Variants in TENM4 observed in about 807,000 individuals in gnomAD.
TENM4 encodes the protein teneurin-4.
In TENM4, 82 loss-of-function variants were observed where a neutral mutation model predicts 243.3. The ratio of observed to expected loss-of-function variants is 0.34; its 90% CI spans 0.28 to 0.40. The LOEUF is 0.40. Ranked by LOEUF, TENM4 falls within the 10% of genes least tolerant of loss-of-function variation. The pLI, the probability that TENM4 is intolerant of heterozygous loss-of-function variation, is 1.00. For synonymous variants in TENM4, 1,412 were observed against 1,456.3 expected (o/e 0.97, Z 0.69); for missense variants, 3,138 against 3,673.3 (o/e 0.85, Z 3.77).
At chr11:79,123,177 A>C (rs971697167) in intron 4 of TENM4, among the ~76,000 whole-genome samples, 2 of 152,222 alleles carry the variant, frequency 1.3e-5, no homozygotes, top group Admixed American at 1.3e-4. Flanking sequence ...GGACTGTCTC[A>C]TGTATCTTAT....
At chr11:79,384,314 T>G (rs1399894157) in intron 1 of TENM4, among the ~76,000 whole-genome samples, 1 of 152,244 alleles carries the variant, frequency 6.6e-6, no homozygotes, top group Non-Finnish European at 1.5e-5. Context: ...CTTCTTGTTT[T>G]CATTCAACAA....
At chr11:79,398,066 G>A (rs1215024165) in intron 1 of TENM4, among the ~76,000 whole-genome samples, 2 of 152,178 alleles carry the variant, frequency 1.3e-5, no homozygotes, top group East Asian at 3.9e-4. Context: ...GTGCTTGTTT[G>A]TATTTATCCC....
At chr11:78,808,311 G>A (rs189349904) in intron 14 of TENM4, among the ~76,000 whole-genome samples, 10 of 152,262 alleles carry the variant, frequency 6.6e-5, no homozygotes, top group South Asian at 6.2e-4. Context: ...TAAGACGATC[G>A]GGGTTCAGGA....
chr11:78,829,376 C>G (rs1857927273), intron 12 of TENM4, among the ~76,000 whole-genome samples: 1 of 152,150 alleles, frequency 6.6e-6, no homozygotes, highest in Non-Finnish European at 1.5e-5. Context: ...CTTGGGCAAA[C>G]CATTTAGTGT....
chr11:78,875,205 T>C (rs1004790861), intron 9 of TENM4, among the ~76,000 whole-genome samples: 2 of 152,146 alleles, frequency 1.3e-5, no homozygotes, highest in African/African-American at 2.4e-5. Flanking sequence ...CATTTTTCCT[T>C]CATAAGAAGA....
chr11:78,960,385 T>A (rs569982221), intron 6 of TENM4, among the ~76,000 whole-genome samples: 48 of 151,710 alleles, frequency 3.2e-4, no homozygotes, highest in African/African-American at 1.1e-3. Flanking sequence ...AGCGGGGAGG[T>A]CCTAGCTAGA....
intron 2 of TENM4, among the ~76,000 whole-genome samples, chr11:79,264,335 A>T (rs1162624144): frequency 6.6e-6 from 1 of 152,194 alleles, no homozygotes; most frequent in African/African-American, 2.4e-5. Context: ...GCTCATTACC[A>T]TTAAAGAAGA....
At chr11:78,929,476 A>G (rs1856624550) in intron 6 of TENM4, among the ~76,000 whole-genome samples, 1 of 152,182 alleles carries the variant, frequency 6.6e-6, no homozygotes, top group Non-Finnish European at 1.5e-5. Context: ...GACAAGAAGG[A>G]GAGAGGGCTA....
intron 12 of TENM4, among the ~76,000 whole-genome samples, chr11:78,835,956 T>A (rs1022119527): frequency 6.6e-6 from 1 of 152,160 alleles, no homozygotes. Context: ...AAGAAACACA[T>A]ACCGAATAAA....
At chr11:79,151,036 C>T (rs1862499293) in intron 3 of TENM4, among the ~76,000 whole-genome samples, 1 of 152,172 alleles carries the variant, frequency 6.6e-6, no homozygotes, top group Non-Finnish European at 1.5e-5. Flanking sequence ...AAACCGCAGT[C>T]CATCCAATCA....
At chr11:79,415,093 T>C (rs1858784880) in intron 1 of TENM4, among the ~76,000 whole-genome samples, 1 of 152,244 alleles carries the variant, frequency 6.6e-6, no homozygotes, top group Admixed American at 6.5e-5. Flanking sequence ...TCTGTTTCCA[T>C]GTCTGTAAGA....
chr11:79,056,864 T>TTTC, intron 6 of TENM4, among the ~76,000 whole-genome samples: 1 of 152,200 alleles, frequency 6.6e-6, no homozygotes, highest in Non-Finnish European at 1.5e-5. Context: ...CCAAGGTAGC[T>TTTC]GTGAGGCTGG....
chr11:79,382,839 A>T (rs1858033017), intron 1 of TENM4, among the ~76,000 whole-genome samples: 1 of 151,976 alleles, frequency 6.6e-6, no homozygotes, highest in Non-Finnish European at 1.5e-5. Flanking sequence ...AGACATTAAA[A>T]CCACTGCCAT....
chr11:78,747,817 T>C (rs992372291), intron 19 of TENM4, among the ~76,000 whole-genome samples: 1 of 152,246 alleles, frequency 6.6e-6, no homozygotes, highest in Admixed American at 6.5e-5. Context: ...TCTTATTGCT[T>C]AAAATTTCTC....
chr11:78,734,729 G>C (rs1423950887), intron 20 of TENM4, among the ~76,000 whole-genome samples: 1 of 152,040 alleles, frequency 6.6e-6, no homozygotes, highest in Non-Finnish European at 1.5e-5. Flanking sequence ...TTCCTCCCTG[G>C]GTTCCACTGC....
intron 1 of TENM4, among the ~76,000 whole-genome samples, chr11:79,323,526 G>C (rs1856925240): frequency 6.6e-6 from 1 of 152,216 alleles, no homozygotes; most frequent in South Asian, 2.1e-4. Context: ...ACTTCTCAAG[G>C]ACTGTGGTGG....
intron 3 of TENM4, among the ~76,000 whole-genome samples, chr11:79,208,787 G>A (rs1863898703): frequency 6.6e-6 from 1 of 152,200 alleles, no homozygotes; most frequent in Non-Finnish European, 1.5e-5. Context: ...CCCCTGGAGT[G>A]TTTTCTGCAT....
At chr11:79,019,742 G>T (rs1858878333) in intron 6 of TENM4, among the ~76,000 whole-genome samples, 1 of 152,222 alleles carries the variant, frequency 6.6e-6, no homozygotes, top group Non-Finnish European at 1.5e-5. Context: ...AGTCTTGTGA[G>T]AGGGGGGTTG....
intron 6 of TENM4, among the ~76,000 whole-genome samples, chr11:78,935,525 C>T (rs1856765597): frequency 6.6e-6 from 1 of 152,252 alleles, no homozygotes; most frequent in South Asian, 2.1e-4. Context: ...AGCTAATCGG[C>T]CAAATGAATC....
Sources: allele counts gnomAD v4.1 joint callset (sites outside exome capture counted in the v4.1 genomes callset), GRCh38; gene constraint gnomAD v4.1.1; transcripts MANE v1.5; gene names NCBI Gene and HGNC (gene_info 2026-07-23, HGNC 2026-07-21).